The following AMPH variants were observed in gnomAD, a reference collection of about 807,000 sequenced individuals.
The protein encoded by AMPH is amphiphysin (Stiff-Mann syndrome with breast cancer 128kD autoantigen).
AMPH carries 49 observed loss-of-function variants against 99.1 expected under a neutral mutation model. That is an observed-to-expected ratio of 0.49 (90% CI 0.39 to 0.63). The LOEUF (loss-of-function observed/expected upper bound fraction) is 0.63, where lower values mean the gene tolerates loss of function less well. Ranked by LOEUF, AMPH falls within the 20% of genes least tolerant of loss-of-function variation. AMPH has a pLI of 0.00. For synonymous variants in AMPH, 314 were observed against 317.3 expected (o/e 0.99, Z 0.11); for missense variants, 759 against 863.4 (o/e 0.88, Z 1.52).
intron 1 of AMPH, among the ~76,000 whole-genome samples, chr7:38,613,135 GAGA>G (rs1412656135): frequency 3.3e-5 from 5 of 152,290 alleles, no homozygotes; most frequent in African/African-American, 1.2e-4. Context: ...GCTGAGAAGT[GAGA>G]AGGTCAGGAT....
chr7:38,558,004 C>CA (rs11423431), intron 1 of AMPH, among the ~76,000 whole-genome samples: 33,670 of 134,012 alleles, frequency 0.25, 3,861 homozygotes, highest in East Asian at 0.29. Flanking sequence ...AGCCCTGTAT[C>CA]AAAAAAAAAA....
At chr7:38,475,457 C>T in intron 6 of AMPH, 41 bp from the exon 7 acceptor site, 2 of 1,275,596 alleles carry the variant, frequency 1.6e-6, no homozygotes, top group South Asian at 1.2e-5. Flanking sequence ...TAAGAAAGAC[C>T]ATTTCTATAC....
chr7:38,534,569 G>C (rs1324059444), intron 2 of AMPH, among the ~76,000 whole-genome samples: 1 of 152,148 alleles, frequency 6.6e-6, no homozygotes, highest in Non-Finnish European at 1.5e-5. Flanking sequence ...CAGCTACTTG[G>C]GAGGCTGAGG....
rs142020928 is a variant in AMPH, at chr7:38,452,293, C to T, written c.1017+8990G>A. ...TTAAAAAAATTAAAATAAATGTAGACGGATCATCCTATATTGCTATATGTG... is the reference window on the plus strand; with the variant it reads ...TTAAAAAAATTAAAATAAATGTAGATGGATCATCCTATATTGCTATATGTG... On this transcript the variant is annotated intron_variant, in intron 11 of 20. Transcript: ENST00000356264. Among the ~76,000 whole-genome samples, 508 of 152,262 alleles carry T rather than the reference C, an allele frequency of 3.3e-3. 3 individuals carry two copies. The highest frequency in any genetic ancestry group is 0.012 in the African/African-American group (481 of 41,554).
chr7:38,591,450 G>A (rs1562848817), intron 1 of AMPH, among the ~76,000 whole-genome samples: 1 of 151,928 alleles, frequency 6.6e-6, no homozygotes, highest in Non-Finnish European at 1.5e-5. Flanking sequence ...ACCATGCCCG[G>A]CTAATTTTGT....
In AMPH at chr7:38,491,989, T is replaced by C. The variant is rs189627298; in HGVS notation, c.301-844A>G. On this transcript the variant is annotated intron_variant, in intron 4 of 20. Transcript: ENST00000356264. ...AGTTATATGAGTTGGCAATGTAAAG[T>C]GCTTCACAGAATTTCAGGCAAATAG... 5.4e-3 allele frequency among the ~76,000 whole-genome samples: 826 copies of C among 152,332 alleles called. 4 individuals are homozygous for C. Among genetic ancestry groups the C allele is most frequent in the Non-Finnish European group, 8.3e-3 (568 of 68,028 alleles).
At chr7:38,589,552 C>T (rs1792779739) in intron 1 of AMPH, among the ~76,000 whole-genome samples, 1 of 152,204 alleles carries the variant, frequency 6.6e-6, no homozygotes, top group African/African-American at 2.4e-5. Context: ...GCATCCAAAC[C>T]ATAATGGTCA....
At chr7:38,486,358 T>C (rs4723761) in intron 5 of AMPH, among the ~76,000 whole-genome samples, 2,406 of 151,800 alleles carry the variant, frequency 0.016, 212 homozygotes, top group Admixed American at 0.14. Flanking sequence ...AATTACTAGA[T>C]ACATACAACC....
chr7:38,552,490 T>C (rs762726748), intron 1 of AMPH, among the ~76,000 whole-genome samples: 1 of 152,230 alleles, frequency 6.6e-6, no homozygotes, highest in Non-Finnish European at 1.5e-5. Context: ...TAATTAGATG[T>C]CTTGATTTTA....
At chr7:38,452,770 C>T (rs564577180) in intron 11 of AMPH, among the ~76,000 whole-genome samples, 5 of 152,310 alleles carry the variant, frequency 3.3e-5, no homozygotes, top group African/African-American at 1.2e-4. Context: ...GTGCCAACAC[C>T]AGCAGCATTA....
intron 11 of AMPH, among the ~76,000 whole-genome samples, chr7:38,445,010 T>TATATATATATATATATATATAGACACAC (rs1458295332): frequency 1.6e-5 from 2 of 125,990 alleles, no homozygotes; most frequent in African/African-American, 2.9e-5. Flanking sequence ...TATATATATA[T>TATATATATATATATATATATAGACACAC]ACACACACAC....
At chr7:38,439,606 A>G (rs1246922318) in intron 11 of AMPH, among the ~76,000 whole-genome samples, 1 of 152,210 alleles carries the variant, frequency 6.6e-6, no homozygotes, top group Non-Finnish European at 1.5e-5. Context: ...TCACAATTAG[A>G]GTACACATGG....
intron 17 of AMPH, among the ~76,000 whole-genome samples, chr7:38,410,803 A>T (rs933854201): frequency 1.3e-5 from 2 of 152,210 alleles, no homozygotes; most frequent in African/African-American, 4.8e-5. Context: ...CTTTGCCGCC[A>T]AAGTGGAGGA....
intron 1 of AMPH, among the ~76,000 whole-genome samples, chr7:38,594,167 G>A (rs551780819): frequency 2.0e-5 from 3 of 152,200 alleles, no homozygotes; most frequent in East Asian, 1.9e-4. Context: ...GGTGAGGAGC[G>A]ATCGAATTCC....
chr7:38,504,775 G>A (rs996001835), intron 2 of AMPH, among the ~76,000 whole-genome samples: 10 of 152,198 alleles, frequency 6.6e-5, no homozygotes, highest in African/African-American at 1.9e-4. Flanking sequence ...ATGCTGGCAC[G>A]TCAGTCTTGT....
chr7:38,607,025 G>C (rs571877909), intron 1 of AMPH, among the ~76,000 whole-genome samples: 3 of 152,184 alleles, frequency 2.0e-5, no homozygotes, highest in Admixed American at 6.5e-5. Context: ...CCGAGTTTTT[G>C]TTTGAACACT....
chr7:38,527,398 T>G (rs1455775066), intron 2 of AMPH, among the ~76,000 whole-genome samples: 5 of 152,250 alleles, frequency 3.3e-5, no homozygotes, highest in Non-Finnish European at 5.9e-5. Context: ...AGTACATCTT[T>G]CCAAGTATTT....
At chr7:38,481,004 T>A (rs1788263847) in intron 5 of AMPH, among the ~76,000 whole-genome samples, 1 of 152,190 alleles carries the variant, frequency 6.6e-6, no homozygotes, top group African/African-American at 2.4e-5. Flanking sequence ...GTAATCTTAT[T>A]TTTGTTCAAA....
At chr7:38,413,419 G>A (rs1219131487) in intron 17 of AMPH, among the ~76,000 whole-genome samples, 1 of 152,006 alleles carries the variant, frequency 6.6e-6, no homozygotes, top group Non-Finnish European at 1.5e-5. Flanking sequence ...TGTACTTTAA[G>A]AAATCAAACT....
Sources: gnomAD v4.1 joint callset for allele counts (sites outside exome capture counted in the v4.1 genomes callset) on GRCh38, gnomAD v4.1.1 for gene constraint, MANE v1.5 for transcripts, NCBI Gene and HGNC (gene_info 2026-07-23, HGNC 2026-07-21) for gene names.